GHR: variants seen among roughly 807,000 people sequenced by gnomAD.
GHR encodes the protein GH receptor.
Under a neutral mutation model 67.1 loss-of-function variants are expected in GHR, and 35 were observed. The ratio of observed to expected loss-of-function variants is 0.52; its 90% CI spans 0.40 to 0.69. GHR has a LOEUF of 0.69. Ranked by LOEUF, GHR falls within the 30% of genes least tolerant of loss-of-function variation. The pLI, the probability that GHR is intolerant of heterozygous loss-of-function variation, is 0.00. For missense variants in GHR, 792 were observed against 764.6 expected, an observed-to-expected ratio of 1.04 and a Z score of -0.42; for synonymous variants, 272 against 269.1, an observed-to-expected ratio of 1.01 and a Z score of -0.10.
intron 1 of GHR, among the ~76,000 whole-genome samples, chr5:42,428,527 C>T (rs1742951904): frequency 6.6e-6 from 1 of 152,178 alleles, no homozygotes; most frequent in Middle Eastern, 3.2e-3. Flanking sequence ...TGAATTTCTC[C>T]CCAGAAAATG....
At chr5:42,661,426 CAGAAG>C (rs551833422) in intron 3 of GHR, among the ~76,000 whole-genome samples, 289 of 152,286 alleles carry the variant, frequency 1.9e-3, no homozygotes, top group South Asian at 8.5e-3. Context: ...CTCTACAAGC[CAGAAG>C]AGAGTGGGGG....
In GHR at chr5:42,694,771, T is replaced by C. The variant is rs937484070; in HGVS notation, c.267-146T>C. 8.9e-5 allele frequency: 63 copies of C among 708,202 alleles called. No homozygotes were observed. In the African/African-American group the frequency reaches 1.1e-3, roughly 12 times the overall value. 43.9% of individuals were successfully genotyped at this position (708,202 alleles called of 1,614,324 possible). On this transcript the variant is annotated intron_variant, in intron 4 of 9. Coordinates refer to ENST00000230882, the MANE Select transcript of GHR (RefSeq NM_000163.5). ...GATGATACTGTCCACTGATGTGATA[T>C]GTCTCGGAAATGATGTTACTAAAAT...
In GHR at chr5:42,629,031, GT is replaced by G; in HGVS notation, c.71-4del. On this transcript the variant is annotated splice_polypyrimidine_tract_variant and splice_region_variant and intron_variant, in intron 2 of 9. Transcript: ENST00000230882. ...TGACTAATGGTTTTCTTCTCTTTCT[GT>G]TTCAGCCACAGCAGCTATCCTTAGC... is the stretch of plus-strand genomic sequence containing the variant. 2.2e-6 allele frequency: 3 copies of G among 1,350,774 alleles called. No individual in the cohort carries two copies. Among genetic ancestry groups the G allele is most frequent in the African/African-American group, 1.8e-5 (1 of 54,636 alleles). 83.7% of individuals were successfully genotyped at this position (1,350,774 alleles called of 1,614,324 possible). A position where few individuals can be genotyped will look rare whatever the true frequency, so the allele number is the denominator to read the frequency against.
intron 1 of GHR, among the ~76,000 whole-genome samples, chr5:42,430,919 A>C (rs1296881388): frequency 6.6e-6 from 1 of 152,150 alleles, no homozygotes; most frequent in African/African-American, 2.4e-5. Context: ...ATGAAATAAT[A>C]GTAAATTAGA....
At chr5:42,479,783 T>C (rs1176248041) in intron 1 of GHR, among the ~76,000 whole-genome samples, 1 of 152,196 alleles carries the variant, frequency 6.6e-6, no homozygotes, top group Non-Finnish European at 1.5e-5. Context: ...TCTTTTCTTC[T>C]TTATTAGTCT....
intron 1 of GHR, among the ~76,000 whole-genome samples, chr5:42,560,415 A>G (rs546296866): frequency 3.5e-4 from 53 of 152,208 alleles, no homozygotes; most frequent in Admixed American, 1.3e-3. Context: ...GATGGTCTCA[A>G]TCTCTTGACC....
At chr5:42,463,211 C>T (rs1261654589) in intron 1 of GHR, among the ~76,000 whole-genome samples, 1 of 152,076 alleles carries the variant, frequency 6.6e-6, no homozygotes, top group African/African-American at 2.4e-5. Flanking sequence ...ATTTAATAAG[C>T]AGAGTTTTCT....
intron 2 of GHR, among the ~76,000 whole-genome samples, chr5:42,598,080 T>G (rs1000360164): frequency 6.6e-6 from 1 of 152,070 alleles, no homozygotes; most frequent in Non-Finnish European, 1.5e-5. Context: ...AAGAGAAGAC[T>G]GATCAGGTAG....
chr5:42,477,730 G>C (rs1420545121), intron 1 of GHR, among the ~76,000 whole-genome samples: 1 of 152,082 alleles, frequency 6.6e-6, no homozygotes, highest in African/African-American at 2.4e-5. Context: ...TGATGGGGTT[G>C]TTTGTTTTTT....
At chr5:42,588,378 G>C (rs1487689432) in intron 2 of GHR, among the ~76,000 whole-genome samples, 1 of 151,908 alleles carries the variant, frequency 6.6e-6, no homozygotes, top group African/African-American at 2.4e-5. Flanking sequence ...AAATTAGCCA[G>C]GCTTGGTGGC....
At chr5:42,432,729 A>AT (rs1174407591) in intron 1 of GHR, among the ~76,000 whole-genome samples, 1 of 152,214 alleles carries the variant, frequency 6.6e-6, no homozygotes, top group Non-Finnish European at 1.5e-5. Context: ...GAAAGGCATC[A>AT]TTTTTATACC....
intron 2 of GHR, among the ~76,000 whole-genome samples, chr5:42,593,325 C>A (rs897984509): frequency 4.6e-5 from 7 of 152,070 alleles, no homozygotes; most frequent in African/African-American, 1.7e-4. Flanking sequence ...ATTTTGCTTT[C>A]TATGTTTTCC....
intron 1 of GHR, among the ~76,000 whole-genome samples, chr5:42,546,446 C>T (rs912540342): frequency 6.6e-6 from 1 of 152,166 alleles, no homozygotes. Flanking sequence ...AGGGGATGCT[C>T]ATTGCCCTGA....
intron 2 of GHR, among the ~76,000 whole-genome samples, chr5:42,576,243 A>C (rs2112531262): frequency 6.6e-6 from 1 of 152,062 alleles, no homozygotes; most frequent in Admixed American, 6.5e-5. Flanking sequence ...ACATTCTCTG[A>C]GCCTCAGTTT....
chr5:42,447,685 C>G (rs553754847), intron 1 of GHR, among the ~76,000 whole-genome samples: 1 of 141,842 alleles, frequency 7.1e-6, no homozygotes, highest in South Asian at 2.5e-4. Context: ...TTCTCCCTCC[C>G]TCCCTCCCTC....
At chr5:42,448,021 C>T (rs2972404) in intron 1 of GHR, among the ~76,000 whole-genome samples, 26,196 of 151,946 alleles carry the variant, frequency 0.17, 2,508 homozygotes, top group Middle Eastern at 0.27. Context: ...CTCAGTCTCC[C>T]AAAGTGTTGG....
intron 2 of GHR, among the ~76,000 whole-genome samples, chr5:42,588,525 T>TCAAAAAAAA (rs1751604743): frequency 9.8e-5 from 1 of 10,200 alleles, no homozygotes; most frequent in Non-Finnish European, 2.2e-4. Context: ...AAACTCCATC[T>TCAAAAAAAA]CAAAAAAAAA....
At chr5:42,669,336 A>T (rs909853834) in intron 3 of GHR, among the ~76,000 whole-genome samples, 2 of 152,250 alleles carry the variant, frequency 1.3e-5, no homozygotes, top group African/African-American at 4.8e-5. Context: ...ATGAAATTAC[A>T]TGCAAAAGTA....
At position 42,556,394 on chromosome 5, in the gene GHR, A is replaced by G. The variant is rs562538793; in HGVS notation, c.-11-9470A>G. On this transcript the variant is annotated intron_variant, in intron 1 of 9. Transcript: ENST00000230882. The stretch of plus-strand genomic sequence containing the variant: ...TTTATCTCCTTTTAGATTAGGTAAA[A>G]CAAAATTTTCAAATTTGAGTCTGAA... 2.2e-4 allele frequency among the ~76,000 whole-genome samples: 34 copies of G among 152,268 alleles called. 1 individual carries two copies. In the South Asian group the frequency reaches 7.0e-3, roughly 32 times the overall value.
Sources: allele counts gnomAD v4.1 joint callset (sites outside exome capture counted in the v4.1 genomes callset), GRCh38; gene constraint gnomAD v4.1.1; transcripts MANE v1.5; gene names NCBI Gene and HGNC (gene_info 2026-07-23, HGNC 2026-07-21).